Variants in CYP7B1 observed in about 807,000 individuals in gnomAD.
The protein encoded by CYP7B1 is cytochrome P450 family 7 subfamily B member 1.
Under a neutral mutation model 42.7 loss-of-function variants are expected in CYP7B1, and 29 were observed. That is an observed-to-expected ratio of 0.68 (90% confidence interval 0.51 to 0.93). The LOEUF is 0.93. Among genes scored for constraint, CYP7B1 ranks in the 40% least tolerant of loss-of-function variants. The pLI, the probability that CYP7B1 is intolerant of heterozygous loss-of-function variation, is 0.00. For synonymous variants in CYP7B1, 235 were observed against 218.2 expected, an observed-to-expected ratio of 1.08 and a Z score of -0.68; for missense variants, 655 against 600.5, an observed-to-expected ratio of 1.09 and a Z score of -0.95.
At chr8:64,734,358 G>T (rs1807455773) in intron 1 of CYP7B1, 1 of 152,184 alleles carries the variant, frequency 6.6e-6, no homozygotes, top group Non-Finnish European at 1.5e-5. Flanking sequence ...CTAGAAGCTG[G>T]AAAGTCCAAA....
intron 1 of CYP7B1, among the ~76,000 whole-genome samples, chr8:64,769,042 A>G (rs1406333286): frequency 6.6e-6 from 1 of 152,208 alleles, no homozygotes; most frequent in Non-Finnish European, 1.5e-5. Flanking sequence ...ATTGTTTTTA[A>G]TGCTCATGAC....
intron 1 of CYP7B1, among the ~76,000 whole-genome samples, chr8:64,751,657 T>C (rs1450198162): frequency 6.6e-6 from 1 of 152,218 alleles, no homozygotes; most frequent in African/African-American, 2.4e-5. Flanking sequence ...AGCCTTTTGA[T>C]GCATATGGGA....
At chr8:64,604,004 T>C (rs1805238886) in intron 5 of CYP7B1, among the ~76,000 whole-genome samples, 1 of 152,190 alleles carries the variant, frequency 6.6e-6, no homozygotes, top group African/African-American at 2.4e-5. Flanking sequence ...TGCATTCAAT[T>C]TGCATGCAGG....
chr8:64,603,701 C>G (rs1805234323), intron 5 of CYP7B1, among the ~76,000 whole-genome samples: 1 of 152,170 alleles, frequency 6.6e-6, no homozygotes, highest in Non-Finnish European at 1.5e-5. Context: ...TTGAAACACA[C>G]AGAAACTATA....
intron 1 of CYP7B1, among the ~76,000 whole-genome samples, chr8:64,733,457 C>A (rs567368338): frequency 6.6e-6 from 1 of 152,284 alleles, no homozygotes; most frequent in East Asian, 1.9e-4. Flanking sequence ...GGCATTATCT[C>A]CTATCTCCTC....
At position 64,774,772 on chromosome 8, in the gene CYP7B1, G is replaced by C. The variant is rs111339884; in HGVS notation, c.122+23694C>G. On this transcript the variant is annotated intron_variant, in intron 1 of 5. Transcript: ENST00000310193. ...AGTATTTACTGAATAGTGCATATCTGCTTTCCTTCAAGGGTCTGGGCAATA... is the reference window on the plus strand; with the variant it reads ...AGTATTTACTGAATAGTGCATATCTCCTTTCCTTCAAGGGTCTGGGCAATA... 1.1e-3 allele frequency among the ~76,000 whole-genome samples: 170 copies of C among 152,238 alleles called. 1 individual carries two copies. Among genetic ancestry groups the C allele is most frequent in the African/African-American group, 3.8e-3 (158 of 41,550 alleles).
At chr8:64,689,243 G>A (rs1288828971) in intron 1 of CYP7B1, among the ~76,000 whole-genome samples, 1 of 152,196 alleles carries the variant, frequency 6.6e-6, no homozygotes, top group East Asian at 1.9e-4. Flanking sequence ...TCATAAGTGA[G>A]TTATAATTTC....
chr8:64,733,967 C>T (rs1416457361), intron 1 of CYP7B1, among the ~76,000 whole-genome samples: 1 of 151,842 alleles, frequency 6.6e-6, no homozygotes, highest in African/African-American at 2.4e-5. Context: ...CAGACCCCAT[C>T]TCAAAAAATA....
At chr8:64,621,416 G>A (rs1805527519) in intron 2 of CYP7B1, among the ~76,000 whole-genome samples, 1 of 152,230 alleles carries the variant, frequency 6.6e-6, no homozygotes, top group Non-Finnish European at 1.5e-5. Context: ...GCTCTTGAGA[G>A]GAAGCAATGT....
chr8:64,598,572 G>A (rs1423191436), intron 5 of CYP7B1, among the ~76,000 whole-genome samples: 2 of 152,146 alleles, frequency 1.3e-5, no homozygotes, highest in Non-Finnish European at 2.9e-5. Flanking sequence ...ACTTAGCTTG[G>A]ATTATGACTT....
intron 1 of CYP7B1, among the ~76,000 whole-genome samples, chr8:64,778,278 C>T (rs1316227765): frequency 6.7e-6 from 1 of 149,692 alleles, no homozygotes; most frequent in East Asian, 2.0e-4. Context: ...CACACATATA[C>T]ATGCATGTAA....
intron 2 of CYP7B1, among the ~76,000 whole-genome samples, chr8:64,621,768 G>A (rs372501693): frequency 3.7e-5 from 5 of 135,122 alleles, no homozygotes; most frequent in East Asian, 4.2e-4. Context: ...ATGGAGTCTC[G>A]TTCTGTCAAC....
intron 1 of CYP7B1, among the ~76,000 whole-genome samples, chr8:64,720,868 T>G (rs1390871681): frequency 6.6e-6 from 1 of 152,062 alleles, no homozygotes; most frequent in Non-Finnish European, 1.5e-5. Flanking sequence ...TCAGCAGGGG[T>G]TGCCAAAAGC....
In CYP7B1 at chr8:64,591,629, G is replaced by A. The variant is rs1366134750; in HGVS notation, c.*5013C>T. Among the ~76,000 whole-genome samples, 2 of 152,124 alleles carry A rather than the reference G, an allele frequency of 1.3e-5. No individual in the cohort carries two copies. Among genetic ancestry groups the A allele is most frequent in the African/African-American group, 4.8e-5 (2 of 41,414 alleles). ...AGATTTTCAGTATGGAAGCTCCTTT[G>A]CCTTAGACTTGTGACCCAAAACTTA... is the stretch of plus-strand genomic sequence containing the variant. On this transcript the variant is annotated 3_prime_UTR_variant, in exon 6 of 6. Coordinates refer to ENST00000310193, the MANE Select transcript of CYP7B1 (RefSeq NM_004820.5).
Position 64,731,735 on chromosome 8 carries a change from G to T in CYP7B1, c.122+66731C>A, listed in dbSNP as rs141145653. 1.8e-3 allele frequency among the ~76,000 whole-genome samples: 274 copies of T among 152,280 alleles called. 1 individual carries two copies. The highest frequency in any genetic ancestry group is 6.3e-3 in the African/African-American group (263 of 41,548). On this transcript the variant is annotated intron_variant, in intron 1 of 5. Coordinates refer to ENST00000310193, the MANE Select transcript of CYP7B1 (RefSeq NM_004820.5). ...GCCCAGAGGCCTAGGAGGAAAAAAT[G>T]GTTTCATTCACCATGTCTTTAGATT...
At chr8:64,606,102 G>A (rs1457660122) in intron 4 of CYP7B1, among the ~76,000 whole-genome samples, 2 of 152,214 alleles carry the variant, frequency 1.3e-5, no homozygotes, top group African/African-American at 4.8e-5. Context: ...ATGAGGCTGC[G>A]GTCAGCTTTG....
At chr8:64,664,324 A>T (rs1177032604) in intron 1 of CYP7B1, among the ~76,000 whole-genome samples, 1 of 152,126 alleles carries the variant, frequency 6.6e-6, no homozygotes, top group Non-Finnish European at 1.5e-5. Context: ...ATATACACAA[A>T]ACTACTGCTT....
intron 1 of CYP7B1, among the ~76,000 whole-genome samples, chr8:64,749,034 G>C (rs1456397476): frequency 6.6e-6 from 1 of 151,910 alleles, no homozygotes; most frequent in Non-Finnish European, 1.5e-5. Flanking sequence ...TAAAAGCAGG[G>C]GAGAGACATC....
chr8:64,686,032 C>T (rs1198910387), intron 1 of CYP7B1, among the ~76,000 whole-genome samples: 2 of 108,868 alleles, frequency 1.8e-5, no homozygotes, highest in Non-Finnish European at 3.9e-5. Flanking sequence ...CGGCCAGCCA[C>T]CCCGTCCGGG....
Sources: gnomAD v4.1 joint callset for allele counts (sites outside exome capture counted in the v4.1 genomes callset) on GRCh38, gnomAD v4.1.1 for gene constraint, MANE v1.5 for transcripts, NCBI Gene and HGNC (gene_info 2026-07-23, HGNC 2026-07-21) for gene names.